Variants in CHL1 observed in about 807,000 individuals in gnomAD.
The protein encoded by CHL1 is neural cell adhesion molecule L1-like protein.
In CHL1, 96 loss-of-function variants were observed where a neutral mutation model predicts 141.9. The ratio of observed to expected loss-of-function variants is 0.68; its 90% CI spans 0.57 to 0.80. The LOEUF is 0.80. Among genes scored for constraint, CHL1 ranks in the 30% least tolerant of loss-of-function variants. The pLI is 0.00. For missense variants in CHL1, 1,820 were observed against 1,457.2 expected (o/e 1.25, Z -4.05); for synonymous variants, 613 against 502.2 (o/e 1.22, Z -2.95).
intron 14 of CHL1, among the ~76,000 whole-genome samples, chr3:364,350 C>T (rs890933017): frequency 1.3e-5 from 2 of 152,160 alleles, no homozygotes; most frequent in African/African-American, 2.4e-5. Context: ...GTACACTTTT[C>T]AAGATGCCCT....
chr3:255,804 C>G (rs909756278), intron 2 of CHL1, among the ~76,000 whole-genome samples: 1 of 152,216 alleles, frequency 6.6e-6, no homozygotes, highest in Non-Finnish European at 1.5e-5. Flanking sequence ...GACAGATACT[C>G]TAACTCAGTG....
chr3:389,127 T>C, intron 19 of CHL1, 125 bp from the exon 20 acceptor site: 1 of 768,426 alleles, frequency 1.3e-6, no homozygotes, highest in Non-Finnish European at 2.1e-6. Flanking sequence ...AGAAGGGGGA[T>C]TTAAGATCTC....
intron 14 of CHL1, chr3:363,751 A>G (rs1053246482): frequency 2.4e-5 from 4 of 166,748 alleles, no homozygotes; most frequent in African/African-American, 9.6e-5. Flanking sequence ...AGATTTCACA[A>G]ACTCATAACT....
intron 2 of CHL1, among the ~76,000 whole-genome samples, chr3:286,055 A>G (rs1362306244): frequency 6.6e-6 from 1 of 152,132 alleles, no homozygotes; most frequent in Non-Finnish European, 1.5e-5. Context: ...CATAAAGTTT[A>G]TTACCCCCAT....
At position 297,879 on chromosome 3, in the gene CHL1, T is replaced by C. The variant is rs547928067; in HGVS notation, c.-94-21804T>C. 3.8e-4 allele frequency among the ~76,000 whole-genome samples: 58 copies of C among 152,344 alleles called. 1 individual carries two copies. The highest frequency in any genetic ancestry group is 1.1e-3 in the African/African-American group (47 of 41,580). On this transcript the variant is annotated intron_variant, in intron 2 of 27. Transcript: ENST00000256509. ...ACTCTTTACCCTGATGCAGGAAATGTTATCTGGGCCATCTCAGTGGGCTGG... is the reference window on the plus strand; with the variant it reads ...ACTCTTTACCCTGATGCAGGAAATGCTATCTGGGCCATCTCAGTGGGCTGG...
chr3:348,736 C>T (rs1270647819), intron 9 of CHL1, among the ~76,000 whole-genome samples: 1 of 152,178 alleles, frequency 6.6e-6, no homozygotes, highest in Non-Finnish European at 1.5e-5. Flanking sequence ...TTCATTCCTC[C>T]TTTCCTCTGC....
intron 3 of CHL1, among the ~76,000 whole-genome samples, chr3:325,192 G>C (rs1274301818): frequency 6.6e-6 from 1 of 151,512 alleles, no homozygotes; most frequent in Non-Finnish European, 1.5e-5. Flanking sequence ...AAAATAAAGG[G>C]AATAAGGAGT....
chr3:404,400 C>T (rs1270144853), intron 27 of CHL1, among the ~76,000 whole-genome samples: 5 of 151,974 alleles, frequency 3.3e-5, no homozygotes, highest in Non-Finnish European at 7.4e-5. Flanking sequence ...CTTCATTGAT[C>T]AAATTTGATA....
intron 11 of CHL1, among the ~76,000 whole-genome samples, chr3:358,150 C>T (rs191773891): frequency 6.6e-6 from 1 of 152,162 alleles, no homozygotes; most frequent in Admixed American, 6.5e-5. Context: ...AAGTCCAACA[C>T]GAGTCTTGGC....
intron 2 of CHL1, among the ~76,000 whole-genome samples, chr3:281,748 T>A (rs141868998): frequency 1.3e-5 from 2 of 151,884 alleles, no homozygotes; most frequent in Non-Finnish European, 2.9e-5. Flanking sequence ...TTAGTAGAGA[T>A]GGGGTTTCAC....
At chr3:214,211 A>C (rs1036920372) in intron 1 of CHL1, among the ~76,000 whole-genome samples, 10 of 152,242 alleles carry the variant, frequency 6.6e-5, no homozygotes, top group Middle Eastern at 3.4e-3. Flanking sequence ...CTCCTTCCTT[A>C]CTTTTCAGCT....
Position 362,560 on chromosome 3 carries a change from A to T in CHL1, c.1419-657A>T, listed in dbSNP as rs552994001. Among the ~76,000 whole-genome samples, 23 of 152,014 alleles carry T rather than the reference A, an allele frequency of 1.5e-4. 1 individual carries two copies. The South Asian group carries it at 4.6e-3, about 30-fold the overall frequency. ...ATTTTGCATCTGGGGCAAGCCTCCC[A>T]CTTGCCTCAGCCTAGTCCCTGTCCT... On this transcript the variant is annotated intron_variant, in intron 13 of 27. Coordinates refer to ENST00000256509, the MANE Select transcript of CHL1 (RefSeq NM_006614.4).
intron 24 of CHL1, among the ~76,000 whole-genome samples, chr3:395,718 G>A (rs1230809995): frequency 6.6e-6 from 1 of 152,192 alleles, no homozygotes; most frequent in East Asian, 1.9e-4. Context: ...AGTAATTGTG[G>A]CCCTTCCATT....
At chr3:278,313 G>A (rs1276926822) in intron 2 of CHL1, among the ~76,000 whole-genome samples, 1 of 152,194 alleles carries the variant, frequency 6.6e-6, no homozygotes, top group Non-Finnish European at 1.5e-5. Context: ...AGATCCCACT[G>A]AAATCATTTA....
In CHL1 at chr3:382,650, C is replaced by G; in HGVS notation, c.2155C>G (p.His719Asp). 1 of 1,613,628 alleles carries G rather than the reference C, an allele frequency of 6.2e-7. No individual in the cohort carries two copies. Among genetic ancestry groups the G allele is most frequent in the Non-Finnish European group, 8.5e-7 (1 of 1,179,744 alleles). Reference sequence around the variant, plus strand: ...AAGTCAGCCTAGCCAGCCGTCAGACCATCATGAAACACCACCAGCAGGTAT... The same window carrying G: ...AAGTCAGCCTAGCCAGCCGTCAGACGATCATGAAACACCACCAGCAGGTAT... ...GRSQPSQPSDHHETPPAAPDR... is the reference protein window; with the variant it reads ...GRSQPSQPSDDHETPPAAPDR... The change falls in exon 18 of 28, where the codon CAT becomes GAT. Residue 719 changes from histidine (H) to aspartate (D), a missense_variant. By Grantham distance (81) the His-to-Asp change is moderately conservative. Coordinates refer to ENST00000256509, the MANE Select transcript of CHL1 (RefSeq NM_006614.4).
chr3:331,209 T>TTTTGTTTG (rs10570525), intron 5 of CHL1, among the ~76,000 whole-genome samples: 5 of 150,558 alleles, frequency 3.3e-5, no homozygotes, highest in African/African-American at 1.2e-4. Flanking sequence ...TTTCTGGCTT[T>TTTTGTTTG]TTTGTTTGTT....
At chr3:336,711 G>A (rs1251980540) in intron 5 of CHL1, among the ~76,000 whole-genome samples, 1 of 152,194 alleles carries the variant, frequency 6.6e-6, no homozygotes, top group Non-Finnish European at 1.5e-5. Context: ...TATAAATTCT[G>A]TTTTCAGAAG....
intron 27 of CHL1, among the ~76,000 whole-genome samples, chr3:405,257 TGTGAATAATGA>T (rs1480389147): frequency 6.6e-6 from 1 of 152,154 alleles, no homozygotes; most frequent in Non-Finnish European, 1.5e-5. Flanking sequence ...GCACAAATGT[TGTGAATAATGA>T]AAAATTGTTT....
intron 2 of CHL1, among the ~76,000 whole-genome samples, chr3:301,865 A>G (rs937633498): frequency 6.6e-6 from 1 of 152,160 alleles, no homozygotes; most frequent in African/African-American, 2.4e-5. Context: ...CCCATCACCT[A>G]CATTAGCTAT....
Sources: allele counts gnomAD v4.1 joint callset (sites outside exome capture counted in the v4.1 genomes callset), GRCh38; gene constraint gnomAD v4.1.1; transcripts MANE v1.5; gene names NCBI Gene and HGNC (gene_info 2026-07-23, HGNC 2026-07-21).